NEURL4: variants seen among roughly 807,000 people sequenced by gnomAD.
The protein encoded by NEURL4 is neuralized-like protein 4.
In NEURL4, 45 loss-of-function variants were observed where a neutral mutation model predicts 148.0. That is an observed-to-expected ratio of 0.30 (90% CI 0.24 to 0.39). The LOEUF (loss-of-function observed/expected upper bound fraction) is 0.39. Among genes scored for constraint, NEURL4 ranks in the 10% least tolerant of loss-of-function variants. NEURL4 has a pLI of 1.00. For synonymous variants in NEURL4, 854 were observed against 869.0 expected, an observed-to-expected ratio of 0.98 and a Z score of 0.30; for missense variants, 1,776 against 2,144.0, an observed-to-expected ratio of 0.83 and a Z score of 3.39.
chr17:7,324,533 C>T lies in NEURL4; in HGVS notation c.1814-53G>A. 1.3e-6 allele frequency: 2 copies of T among 1,525,782 alleles called. No homozygotes were observed. The highest frequency in any genetic ancestry group is 1.1e-5 in the South Asian group (1 of 89,142). The allele number at this position is 1,525,782 out of a possible 1,614,324, so 94.5% of individuals were successfully genotyped here. On this transcript the variant is annotated intron_variant, in intron 9 of 28. Coordinates refer to ENST00000399464, the MANE Select transcript of NEURL4 (RefSeq NM_032442.3). This position sits in a 1 kb window ranked among gnomAD's most constrained non-coding sequence, Gnocchi z 5.9. ...ATGAGGGGAAATGCAGGGCTCCTCT[C>T]CTTGCCACAGCAGCGCCCACAGGAC...
intron 8 of NEURL4, 65 bp downstream of exon 8, chr17:7,325,144 T>A: frequency 1.0e-6 from 1 of 956,488 alleles, no homozygotes; most frequent in East Asian, 2.7e-5. Flanking sequence ...TCCACTTCCT[T>A]GCCCCGCCCC....
chr17:7,322,653 A>C lies in NEURL4; in HGVS notation c.2725+82T>G. 6.5e-7 allele frequency: 1 copy of C among 1,542,548 alleles called. No homozygotes were observed. The highest frequency in any genetic ancestry group is 1.8e-5 in the Admixed American group (1 of 55,490). ...CTACCCCAGCCAACCGTCTTTGCAG[A>C]ACCTCTCTAACCTGGAAACCCTACT... is the stretch of plus-strand genomic sequence containing the variant. On this transcript the variant is annotated intron_variant, in intron 16 of 28. Transcript: ENST00000399464. This position sits in a 1 kb window ranked among gnomAD's most constrained non-coding sequence, Gnocchi z 5.5.
At position 7,317,874 on chromosome 17, in the gene NEURL4, C is replaced by T; in HGVS notation, c.4119G>A (p.Lys1373=). ...RSLCYCESCR[K]LRGDEAHRRR... is the part of the protein sequence containing the mutation. Reference sequence around the variant, plus strand: ...GCCTGTGGGCCTCGTCTCCTCGCAGCTTCCGGCAAGACTCACAGTAGCACA... The same window carrying T: ...GCCTGTGGGCCTCGTCTCCTCGCAGTTTCCGGCAAGACTCACAGTAGCACA... The change falls in exon 26 of 29, where the codon AAG becomes AAA. Residue 1373 remains lysine (K), a synonymous_variant. Coordinates refer to ENST00000399464, the MANE Select transcript of NEURL4 (RefSeq NM_032442.3). The T allele has an allele frequency of 1.9e-6, 3 of 1,614,190 alleles. No homozygotes were observed. The highest frequency in any genetic ancestry group is 2.5e-6 in the Non-Finnish European group (3 of 1,180,046).
intron 1 of NEURL4, among the ~76,000 whole-genome samples, chr17:7,328,759 ACCAGGAGGTCTGTTC>A (rs2073135689): frequency 6.6e-6 from 1 of 152,168 alleles, no homozygotes; most frequent in Admixed American, 6.5e-5. Flanking sequence ...AAGAAATTGT[ACCAGGAGGTCTGTTC>A]CCAGCCATTC....
Position 7,326,545 on chromosome 17 carries a change from G to A in NEURL4, c.1096C>T (p.Arg366Cys), listed in dbSNP as rs748069104. Reference sequence around the variant, plus strand: ...CACTTATCAACAAGCTTGTCGATACGGATCTGGCATTGAGGGACAGAAGGG... The same window carrying A: ...CACTTATCAACAAGCTTGTCGATACAGATCTGGCATTGAGGGACAGAAGGG... ...PLRDNEMFEIRIDKLVDKWSG... is the reference protein window; with the variant it reads ...PLRDNEMFEICIDKLVDKWSG... The change falls in exon 5 of 29, where the codon CGT (arginine) becomes TGT (cysteine). Residue 366 changes from arginine to cysteine, a missense_variant. Arg to Cys is a radical substitution (Grantham distance 180, BLOSUM62 -3). Coordinates refer to ENST00000399464, the MANE Select transcript of NEURL4 (RefSeq NM_032442.3). This position sits in a 1 kb window ranked among gnomAD's most constrained non-coding sequence, Gnocchi z 6.0. 5 of 1,613,886 alleles carry A rather than the reference G, an allele frequency of 3.1e-6. No individual in the cohort carries two copies. The South Asian group carries it at 4.4e-5, about 14-fold the overall frequency.
In NEURL4 at chr17:7,316,330, G is replaced by T; in HGVS notation, c.4485-3C>A. The T allele has an allele frequency of 6.2e-7, 1 of 1,611,042 alleles. No individual in the cohort carries two copies. Among genetic ancestry groups the T allele is most frequent in the Middle Eastern group, 2.2e-4 (1 of 4,632 alleles). On this transcript the variant is annotated splice_region_variant and splice_polypyrimidine_tract_variant and intron_variant, in intron 28 of 28. Coordinates refer to ENST00000399464, the MANE Select transcript of NEURL4 (RefSeq NM_032442.3). ...GCTGGGATTTGGGGTCCCGGAATCT[G>T]TCAGACAAGAAAAAATAAGGGAGTG...
In NEURL4 at chr17:7,318,053, T is replaced by G. The variant is rs758557088; in HGVS notation, c.4060+12A>C. On this transcript the variant is annotated intron_variant, in intron 25 of 28. Coordinates refer to ENST00000399464, the MANE Select transcript of NEURL4 (RefSeq NM_032442.3). This position sits in a 1 kb window ranked among gnomAD's most constrained non-coding sequence, Gnocchi z 4.3. ...GGGAATGAAGTCAGTTCTGGCGGAC[T>G]GTGGGACTCACCGGGAAGCAGCAGG... 31 of 1,614,010 alleles carry G rather than the reference T, an allele frequency of 1.9e-5. No individual in the cohort carries two copies. The South Asian group carries it at 3.0e-4, about 15-fold the overall frequency.
In NEURL4 at chr17:7,324,340, C is replaced by T; in HGVS notation, c.1899+55G>A. On this transcript the variant is annotated intron_variant, in intron 10 of 28. Transcript: ENST00000399464. The surrounding 1 kb of genome is among the most constrained non-coding windows in gnomAD (Gnocchi z 5.9). ...TGCCGGGGCTGGTCCTGCATCAGCC[C>T]CGCGGTGTTTGTGATGCCCGCTGCG... The T allele has an allele frequency of 3.1e-6, 5 of 1,613,938 alleles. No individual in the cohort carries two copies. In the Middle Eastern group the frequency reaches 4.9e-4, roughly 160 times the overall value.
rs1034354780 is a variant in NEURL4 at position 7,324,131 on chromosome 17, T to C, written c.2039A>G (p.Gln680Arg). 1.2e-6 allele frequency: 2 copies of C among 1,613,274 alleles called. No individual in the cohort carries two copies. The highest frequency in any genetic ancestry group is 1.7e-6 in the Non-Finnish European group (2 of 1,179,984). The change falls in exon 11 of 29, where the codon CAG becomes CGG. Residue 680 changes from glutamine to arginine, a missense_variant. Physicochemically the swap from Gln to Arg is conservative, Grantham distance 43. Coordinates refer to ENST00000399464, the MANE Select transcript of NEURL4 (RefSeq NM_032442.3). This position sits in a 1 kb window ranked among gnomAD's most constrained non-coding sequence, Gnocchi z 5.9. ...ACCCACGTCGTCCACAATGGTGGCC[T>C]GGGCCGCCTGGCCATAGAGATCGAC... is the stretch of plus-strand genomic sequence containing the variant. Reference protein sequence around the residue: ...AVVDLYGQAAQATIVDDVEVA... With the variant: ...AVVDLYGQAARATIVDDVEVA...
intron 8 of NEURL4, 65 bp downstream of exon 8, chr17:7,325,144 T>TTGGGGGGGGGGGGGG: frequency 7.1e-5 from 68 of 956,360 alleles, no homozygotes; most frequent in Non-Finnish European, 9.3e-5. Flanking sequence ...TCCACTTCCT[T>TTGGGGGGGGGGGGGG]GCCCCGCCCC....
intron 21 of NEURL4, among the ~76,000 whole-genome samples, chr17:7,320,031 C>T (rs983087188): frequency 2.6e-5 from 4 of 151,154 alleles, no homozygotes; most frequent in East Asian, 2.0e-4. Context: ...GGGGTTTCAC[C>T]GTGTTAGCCA....
intron 1 of NEURL4, among the ~76,000 whole-genome samples, chr17:7,328,632 G>A (rs2073133760): frequency 6.6e-6 from 1 of 152,180 alleles, no homozygotes; most frequent in Non-Finnish European, 1.5e-5. Context: ...TCAAACCCCT[G>A]ACTCTAGTGA....
rs1237723320 is a variant in NEURL4 at position 7,324,725 on chromosome 17, GA to G, written c.1813+73del. ...AGTGACAAGTGAAAAAGGAGCTGCA[GA>G]ACAAGTGCCAGGGCTTTGGGGATAG... On this transcript the variant is annotated intron_variant, in intron 9 of 28. Transcript: ENST00000399464. The surrounding 1 kb of genome is among the most constrained non-coding windows in gnomAD (Gnocchi z 5.9). 1 of 1,511,584 alleles carries G rather than the reference GA, an allele frequency of 6.6e-7. No individual in the cohort carries two copies. Among genetic ancestry groups the G allele is most frequent in the African/African-American group, 1.4e-5 (1 of 72,890 alleles). The allele number at this position is 1,511,584 out of a possible 1,614,324, so 93.6% of individuals were successfully genotyped here.
chr17:7,327,588 C>A lies in NEURL4; in HGVS notation c.579G>T (p.Val193=). ...TCTGGGTGCACTTGCCATAAAGGTC[C>A]ACGACGGCCCAGACACGAGGGGGCA... ...TGLPPRVWAV[V]DLYGKCTQIT... Residue 193 remains valine (V), a synonymous_variant, in exon 2 of 29, where the codon GTG becomes GTT. Coordinates refer to ENST00000399464, the MANE Select transcript of NEURL4 (RefSeq NM_032442.3). The surrounding 1 kb of genome is among the most constrained non-coding windows in gnomAD (Gnocchi z 6.6). The A allele has an allele frequency of 6.2e-7, 1 of 1,611,804 alleles. No homozygotes were observed. The highest frequency in any genetic ancestry group is 8.5e-7 in the Non-Finnish European group (1 of 1,179,820).
In NEURL4 at chr17:7,323,943, C is replaced by T. The variant is rs200659300; in HGVS notation, c.2132G>A (p.Gly711Glu). 6.8e-6 allele frequency: 11 copies of T among 1,613,302 alleles called. No homozygotes were observed. In the East Asian group the frequency reaches 2.5e-4, roughly 36 times the overall value. The change falls in exon 12 of 29, where the codon GGG (glycine) becomes GAG (glutamate). Residue 711 changes from glycine to glutamate, a missense_variant. Transcript: ENST00000399464. ...NQVSPSSPSS[G>E]AGGSDLRFHQ... ...GAAGCGCAGGTCAGAGCCCCCGGCCCCTGAGGACGGAGAGCTTGGAGACAC... is the reference window on the plus strand; with the variant it reads ...GAAGCGCAGGTCAGAGCCCCCGGCCTCTGAGGACGGAGAGCTTGGAGACAC...
rs749665613 is a variant in NEURL4, at chr17:7,318,719, C to T, written c.3685-45G>A. The T allele has an allele frequency of 3.5e-5, 54 of 1,554,402 alleles. No individual in the cohort carries two copies. The highest frequency in any genetic ancestry group is 5.5e-5 in the African/African-American group (4 of 73,346). On this transcript the variant is annotated intron_variant, in intron 22 of 28. Coordinates refer to ENST00000399464, the MANE Select transcript of NEURL4 (RefSeq NM_032442.3). This position sits in a 1 kb window ranked among gnomAD's most constrained non-coding sequence, Gnocchi z 4.3. Reference sequence around the variant, plus strand: ...GTCTTCCAGAGGTCAGACTCCACCGCGGCAGCTGTCCCGCCCTTTGCTCTG... The same window carrying T: ...GTCTTCCAGAGGTCAGACTCCACCGTGGCAGCTGTCCCGCCCTTTGCTCTG...
rs1026121230 is a variant in NEURL4 at position 7,318,799 on chromosome 17, C to T, written c.3685-125G>A. ...TCCATGCTTGCCCACTGCCGAGGTT[C>T]TCCTCCCACTGCAGTTACCTAGAGC... On this transcript the variant is annotated intron_variant, in intron 22 of 28. Transcript: ENST00000399464. The surrounding 1 kb of genome is among the most constrained non-coding windows in gnomAD (Gnocchi z 4.3). 9.0e-7 allele frequency: 1 copy of T among 1,109,664 alleles called. No individual in the cohort carries two copies. Among genetic ancestry groups the T allele is most frequent in the South Asian group, 1.6e-5 (1 of 60,992 alleles). 68.7% of individuals were successfully genotyped at this position (1,109,664 alleles called of 1,614,324 possible).
Position 7,326,782 on chromosome 17 carries a change from G to A in NEURL4, c.1021C>T (p.Arg341Trp). 2 of 1,613,204 alleles carry A rather than the reference G, an allele frequency of 1.2e-6. No individual in the cohort carries two copies. The highest frequency in any genetic ancestry group is 1.7e-6 in the Non-Finnish European group (2 of 1,179,796). The change falls in exon 4 of 29, where the codon CGG (arginine) becomes TGG (tryptophan). Residue 341 changes from arginine to tryptophan, a missense_variant. Transcript: ENST00000399464. The surrounding 1 kb of genome is among the most constrained non-coding windows in gnomAD (Gnocchi z 6.0). The stretch of plus-strand genomic sequence containing the variant: ...CCATTGTTGAATTCATCCAGGGGCC[G>A]CCGGCGCTCAGCCGTCTTATTATTG... ...SNNNKTAERR[R>W]PLDEFNNGVV... is the part of the protein sequence containing the mutation.
Position 7,326,971 on chromosome 17 carries a change from T to C in NEURL4, c.832A>G (p.Thr278Ala), listed in dbSNP as rs1236022501. Residue 278 changes from threonine to alanine, a missense_variant, in exon 4 of 29, where the codon ACC becomes GCC. Physicochemically the swap from Thr to Ala is moderately conservative, Grantham distance 58. Coordinates refer to ENST00000399464, the MANE Select transcript of NEURL4 (RefSeq NM_032442.3). The surrounding 1 kb of genome is among the most constrained non-coding windows in gnomAD (Gnocchi z 6.0). ...CCTCCATTGTAGGCAGACAGGATGG[T>C]GTTGCTCACCACCTCAGACAGCTCC... Reference protein sequence around the residue: ...NMELSEVVSNTILSAYNGGLL... With the variant: ...NMELSEVVSNAILSAYNGGLL... The C allele has an allele frequency of 1.2e-6, 2 of 1,612,814 alleles. No individual in the cohort carries two copies. Among genetic ancestry groups the C allele is most frequent in the African/African-American group, 2.7e-5 (2 of 74,888 alleles).
Sources: gnomAD v4.1 joint callset for allele counts (sites outside exome capture counted in the v4.1 genomes callset) on GRCh38, gnomAD v4.1.1 for gene constraint, Gnocchi (gnomAD v3.1) non-coding constraint, MANE v1.5 for transcripts, NCBI Gene and HGNC (gene_info 2026-07-23, HGNC 2026-07-21) for gene names.